KCND2: variants seen among roughly 807,000 people sequenced by gnomAD.
The protein encoded by KCND2 is A-type voltage-gated potassium channel KCND2.
Under a neutral mutation model 54.4 loss-of-function variants are expected in KCND2, and 16 were observed. The observed-to-expected ratio is 0.29, with a 90% CI of 0.20 to 0.45. KCND2 has a LOEUF of 0.45. KCND2 is among the 20% of genes least tolerant of loss of function. The pLI, the probability that KCND2 is intolerant of heterozygous loss-of-function variation, is 1.00. For missense variants in KCND2, 486 were observed against 824.2 expected, an observed-to-expected ratio of 0.59 and a Z score of 5.02; for synonymous variants, 317 against 310.7, an observed-to-expected ratio of 1.02 and a Z score of -0.21.
In KCND2 at chr7:120,352,459, T is replaced by TATAC. The variant is rs1299014135; in HGVS notation, c.1115+76713_1115+76714insTACA. The stretch of plus-strand genomic sequence containing the variant: ...ATACAAATATATATACACACATACA[T>TATAC]ACACACACACACACACACACACACA... On this transcript the variant is annotated intron_variant, in intron 1 of 5. Coordinates refer to ENST00000331113, the MANE Select transcript of KCND2 (RefSeq NM_012281.3). Among the ~76,000 whole-genome samples the TATAC allele has an allele frequency of 5.1e-3, 759 of 148,214 alleles. 17 individuals are homozygous for TATAC. The highest frequency in any genetic ancestry group is 0.018 in the African/African-American group (724 of 39,792).
At chr7:120,563,169 G>C (rs1792256160) in intron 1 of KCND2, among the ~76,000 whole-genome samples, 1 of 152,062 alleles carries the variant, frequency 6.6e-6, no homozygotes. Context: ...TAAGAGAAAA[G>C]CTTGATCACC....
chr7:120,538,615 T>C (rs2116376338), intron 1 of KCND2, among the ~76,000 whole-genome samples: 1 of 152,286 alleles, frequency 6.6e-6, no homozygotes, highest in East Asian at 1.9e-4. Flanking sequence ...GCAGCTGGGC[T>C]TTTGATGTAG....
chr7:120,593,670 A>G (rs1475393279), intron 1 of KCND2, among the ~76,000 whole-genome samples: 1 of 152,190 alleles, frequency 6.6e-6, no homozygotes, highest in African/African-American at 2.4e-5. Context: ...GAATGATGGT[A>G]GAATATATAT....
intron 1 of KCND2, among the ~76,000 whole-genome samples, chr7:120,670,117 G>A (rs900440935): frequency 6.6e-6 from 1 of 151,920 alleles, no homozygotes; most frequent in Non-Finnish European, 1.5e-5. Flanking sequence ...ACTTTTCCAT[G>A]TAACCAAAAA....
chr7:120,434,340 A>G (rs574915226), intron 1 of KCND2, among the ~76,000 whole-genome samples: 1 of 152,298 alleles, frequency 6.6e-6, no homozygotes, highest in South Asian at 2.1e-4. Flanking sequence ...GGTGTGGGTA[A>G]AATTATCAAA....
intron 1 of KCND2, among the ~76,000 whole-genome samples, chr7:120,506,188 T>A (rs2116324191): frequency 6.6e-6 from 1 of 151,618 alleles, no homozygotes; most frequent in South Asian, 2.1e-4. Context: ...AAAAAGTGAG[T>A]AGTATGGAAC....
At chr7:120,697,319 A>G (rs1487736249) in intron 1 of KCND2, among the ~76,000 whole-genome samples, 1 of 152,158 alleles carries the variant, frequency 6.6e-6, no homozygotes, top group Non-Finnish European at 1.5e-5. Context: ...TAATATTTTA[A>G]TGTTTTTTCT....
chr7:120,504,210 A>G (rs188933023), intron 1 of KCND2, among the ~76,000 whole-genome samples: 16 of 152,086 alleles, frequency 1.1e-4, no homozygotes, highest in African/African-American at 3.9e-4. Flanking sequence ...ATAACTAATA[A>G]TGGTGCCAAA....
intron 1 of KCND2, among the ~76,000 whole-genome samples, chr7:120,287,393 T>C (rs2116268240): frequency 6.6e-6 from 1 of 152,214 alleles, no homozygotes. Context: ...AAATGAATAT[T>C]CTGGGAGTTC....
intron 1 of KCND2, among the ~76,000 whole-genome samples, chr7:120,560,461 T>A (rs1162293363): frequency 6.6e-6 from 1 of 152,174 alleles, no homozygotes; most frequent in Non-Finnish European, 1.5e-5. Context: ...AGAGCCAATA[T>A]CATCTTAAAT....
chr7:120,511,502 A>C (rs528641278), intron 1 of KCND2, among the ~76,000 whole-genome samples: 2 of 152,116 alleles, frequency 1.3e-5, no homozygotes, highest in Non-Finnish European at 2.9e-5. Context: ...AGAACTGTAC[A>C]ATGTATGAAT....
chr7:120,380,297 T>A (rs1800897973), intron 1 of KCND2, among the ~76,000 whole-genome samples: 1 of 152,064 alleles, frequency 6.6e-6, no homozygotes, highest in South Asian at 2.1e-4. Flanking sequence ...ACTCTCTATG[T>A]GCTGTAGAAT....
chr7:120,570,825 GC>G (rs993353668), intron 1 of KCND2, among the ~76,000 whole-genome samples: 1 of 152,092 alleles, frequency 6.6e-6, no homozygotes, highest in African/African-American at 2.4e-5. Context: ...AACACCACCA[GC>G]CCTATTCTTA....
chr7:120,516,489 C>A (rs942841467), intron 1 of KCND2, among the ~76,000 whole-genome samples: 1 of 151,976 alleles, frequency 6.6e-6, no homozygotes, highest in Non-Finnish European at 1.5e-5. Flanking sequence ...AGAAAGACAC[C>A]CTGATGGCTT....
At chr7:120,573,459 T>G (rs1792390302) in intron 1 of KCND2, among the ~76,000 whole-genome samples, 2 of 152,276 alleles carry the variant, frequency 1.3e-5, no homozygotes, top group African/African-American at 4.8e-5. Context: ...CAGACTGAAA[T>G]GAGGCCTAGC....
chr7:120,523,061 T>C (rs10249197), intron 1 of KCND2, among the ~76,000 whole-genome samples: 9,684 of 152,168 alleles, frequency 0.064, 637 homozygotes, highest in African/African-American at 0.18. Context: ...GGTGGGCAAG[T>C]GTTTCCAGTT....
chr7:120,275,321 T>C lies in KCND2; in HGVS notation c.689T>C (p.Phe230Ser). 6.2e-7 allele frequency: 1 copy of C among 1,613,766 alleles called. No individual in the cohort carries two copies. The highest frequency in any genetic ancestry group is 8.5e-7 in the Non-Finnish European group (1 of 1,179,946). The change falls in exon 1 of 6, where the codon TTC becomes TCC. Residue 230 changes from phenylalanine (F) to serine (S), a missense_variant. By Grantham distance (155) the Phe-to-Ser change is radical. This residue lies in a region of KCND2 where 231 missense variants were observed against 386.0 expected (regional missense o/e 0.60). Transcript: ENST00000331113. ...PCGERYAVAF[F>S]CLDTACVMIF... ...GGAGAGCGGTATGCTGTGGCCTTCT[T>C]CTGCTTGGACACGGCCTGCGTCATG...
intron 1 of KCND2, among the ~76,000 whole-genome samples, chr7:120,305,689 A>C (rs927528464): frequency 7.2e-5 from 11 of 152,138 alleles, no homozygotes; most frequent in African/African-American, 2.7e-4. Flanking sequence ...CCTGGATTTC[A>C]AGCTTTAAGT....
intron 1 of KCND2, among the ~76,000 whole-genome samples, chr7:120,334,420 T>C (rs1276552762): frequency 3.3e-5 from 5 of 152,226 alleles, no homozygotes; most frequent in African/African-American, 1.2e-4. Context: ...ATTTTTCTAA[T>C]AATTCTCATT....
Sources: gnomAD v4.1 joint callset for allele counts (sites outside exome capture counted in the v4.1 genomes callset) on GRCh38, gnomAD v4.1.1 for gene constraint, gnomAD v4.1.1 regional missense constraint, MANE v1.5 for transcripts, NCBI Gene and HGNC (gene_info 2026-07-23, HGNC 2026-07-21) for gene names.